PCDHGA3: variants seen among roughly 807,000 people sequenced by gnomAD.
PCDHGA3 encodes protocadherin gamma-A3.
PCDHGA3 carries 40 observed loss-of-function variants against 58.5 expected under a neutral mutation model. That is an observed-to-expected ratio of 0.68 (90% CI 0.53 to 0.89). The LOEUF (loss-of-function observed/expected upper bound fraction) is 0.89. PCDHGA3 is among the 40% of genes least tolerant of loss of function. The pLI is 0.00. For missense variants in PCDHGA3, 1,223 were observed against 1,195.9 expected (o/e 1.02, Z -0.33); for synonymous variants, 530 against 525.7 (o/e 1.01, Z -0.11).
At position 141,431,031 on chromosome 5, in the gene PCDHGA3, A is replaced by C; in HGVS notation, c.2425-63776A>C. Reference sequence around the variant, plus strand: ...AGCTTGGTCACGGCGGGCAGGATAGACCGGGAGGAGCTCTGTATGGGGGCC... The same window carrying C: ...AGCTTGGTCACGGCGGGCAGGATAGCCCGGGAGGAGCTCTGTATGGGGGCC... On this transcript the variant is annotated intron_variant, in intron 1 of 3. Coordinates refer to ENST00000253812, the MANE Select transcript of PCDHGA3 (RefSeq NM_018916.4). This position sits in a 1 kb window ranked among gnomAD's most constrained non-coding sequence, Gnocchi z 4.8. 1 of 1,614,036 alleles carries C rather than the reference A, an allele frequency of 6.2e-7. No homozygotes were observed. The highest frequency in any genetic ancestry group is 8.5e-7 in the Non-Finnish European group (1 of 1,180,000).
chr5:141,390,601 C>T, intron 1 of PCDHGA3: 1 of 317,490 alleles, frequency 3.1e-6, no homozygotes. Context: ...TTTTCCTATA[C>T]ATTTTCCTTC....
At chr5:141,433,321 G>T in intron 1 of PCDHGA3, 1 of 788,106 alleles carries the variant, frequency 1.3e-6, no homozygotes. Flanking sequence ...TGCCTCCGGT[G>T]TAACAGGGAC....
In PCDHGA3 at chr5:141,359,357, G is replaced by C. The variant is rs952787963; in HGVS notation, c.2424+12900G>C. Reference sequence around the variant, plus strand: ...GAATGAGAGTGCCACATGTTTTAAAGGCCTAGGAAAGCAGTAGATAATTTA... The same window carrying C: ...GAATGAGAGTGCCACATGTTTTAAACGCCTAGGAAAGCAGTAGATAATTTA... On this transcript the variant is annotated intron_variant, in intron 1 of 3. Transcript: ENST00000253812. Among the ~76,000 whole-genome samples, 72 of 151,956 alleles carry C rather than the reference G, an allele frequency of 4.7e-4. 2 individuals carry two copies. The highest frequency in any genetic ancestry group is 5.9e-5 in the Non-Finnish European group (4 of 67,988).
chr5:141,390,041 C>T (rs373243233), intron 1 of PCDHGA3: 2 of 1,614,058 alleles, frequency 1.2e-6, no homozygotes, highest in Non-Finnish European at 1.7e-6. Context: ...CCTCCAGCCC[C>T]GCCTCCTGGA....
intron 1 of PCDHGA3, chr5:141,420,076 TCCC>T: frequency 1.9e-6 from 3 of 1,613,956 alleles, no homozygotes; most frequent in Non-Finnish European, 2.5e-6. Context: ...GACCTGTGGG[TCCC>T]CCCAACTACA....
chr5:141,505,803 C>T (rs920849273), intron 3 of PCDHGA3, among the ~76,000 whole-genome samples: 29 of 152,116 alleles, frequency 1.9e-4, no homozygotes, highest in African/African-American at 6.5e-4. Flanking sequence ...GGACTTGGAT[C>T]GACTTGCTCA....
chr5:141,393,879 G>A, intron 1 of PCDHGA3: 1 of 1,614,010 alleles, frequency 6.2e-7, no homozygotes, highest in Non-Finnish European at 8.5e-7. Context: ...GTTTAGCCCA[G>A]TGTTAGAAAA....
intron 1 of PCDHGA3, chr5:141,393,129 A>T (rs2150509668): frequency 1.2e-6 from 2 of 1,613,426 alleles, no homozygotes; most frequent in Non-Finnish European, 1.7e-6. Flanking sequence ...TCTGATAAAT[A>T]TTAACACCCT....
intron 1 of PCDHGA3, chr5:141,351,378 G>C (rs1476351537): frequency 6.2e-7 from 1 of 1,612,216 alleles, no homozygotes; most frequent in Admixed American, 1.7e-5. Context: ...AAGGATTCTG[G>C]GCAAAATGGC....
Position 141,407,988 on chromosome 5 carries a change from C to T in PCDHGA3, c.2424+61531C>T, listed in dbSNP as rs923527525. 1.3e-4 allele frequency: 104 copies of T among 827,076 alleles called. 1 individual carries two copies. The highest frequency in any genetic ancestry group is 3.7e-4 in the Middle Eastern group (1 of 2,684). 51.2% of individuals were successfully genotyped at this position (827,076 alleles called of 1,614,324 possible). ...GCGCTGACGCCGGGGATCCGTCAGC[C>T]TCTGGCCTGGGATTCCCTGCGCAGC... On this transcript the variant is annotated intron_variant, in intron 1 of 3. Transcript: ENST00000253812.
chr5:141,448,505 T>C (rs1041076095), intron 1 of PCDHGA3, among the ~76,000 whole-genome samples: 24 of 152,172 alleles, frequency 1.6e-4, no homozygotes, highest in African/African-American at 5.8e-4. Flanking sequence ...AGGTAAACAT[T>C]TTATAACTTT....
chr5:141,436,040 C>A (rs989038133), intron 1 of PCDHGA3, among the ~76,000 whole-genome samples: 2 of 152,060 alleles, frequency 1.3e-5, no homozygotes, highest in African/African-American at 4.8e-5. Context: ...TTTGTATTTA[C>A]ATTAGTTTTC....
chr5:141,413,490 G>T (rs1255775347), intron 1 of PCDHGA3: 2 of 1,614,070 alleles, frequency 1.2e-6, no homozygotes, highest in Admixed American at 3.3e-5. Flanking sequence ...AGAGCGCGCG[G>T]TGCGTGGTGA....
At chr5:141,442,759 A>G (rs2098341868) in intron 1 of PCDHGA3, among the ~76,000 whole-genome samples, 1 of 152,152 alleles carries the variant, frequency 6.6e-6, no homozygotes, top group Non-Finnish European at 1.5e-5. Flanking sequence ...GATTATATAT[A>G]TTTGTATGTG....
chr5:141,355,486 T>C, intron 1 of PCDHGA3: 1 of 1,614,064 alleles, frequency 6.2e-7, no homozygotes, highest in Non-Finnish European at 8.5e-7. Context: ...GGAGGAGCTC[T>C]GCGACAGATC....
Position 141,477,952 on chromosome 5 carries a change from A to T in PCDHGA3, c.2425-16855A>T, listed in dbSNP as rs907708638. ...CCTGGCTCTCCTACAGTCTCTTGGG[A>T]TCCCCTAACCAGAGCCTTTTTGCCA... On this transcript the variant is annotated intron_variant, in intron 1 of 3. Coordinates refer to ENST00000253812, the MANE Select transcript of PCDHGA3 (RefSeq NM_018916.4). This position sits in a 1 kb window ranked among gnomAD's most constrained non-coding sequence, Gnocchi z 4.9. The T allele has an allele frequency of 1.9e-6, 3 of 1,613,920 alleles. No individual in the cohort carries two copies. The African/African-American group carries it at 4.0e-5, about 22-fold the overall frequency.
In PCDHGA3 at chr5:141,352,029, T is replaced by C. The variant is rs1223261713; in HGVS notation, c.2424+5572T>C. 6.2e-7 allele frequency: 1 copy of C among 1,609,078 alleles called. No individual in the cohort carries two copies. Among genetic ancestry groups the C allele is most frequent in the Non-Finnish European group, 8.5e-7 (1 of 1,179,056 alleles). On this transcript the variant is annotated intron_variant, in intron 1 of 3. Transcript: ENST00000253812. Reference sequence around the variant, plus strand: ...TACCTGGTGACCAAGGTGGTGGCGGTGGACGCAGACTCAGGACACAACGCT... The same window carrying C: ...TACCTGGTGACCAAGGTGGTGGCGGCGGACGCAGACTCAGGACACAACGCT...
In PCDHGA3 at chr5:141,486,563, G is replaced by A. The variant is rs558244990; in HGVS notation, c.2425-8244G>A. The A allele has an allele frequency of 1.2e-6, 2 of 1,614,006 alleles. No homozygotes were observed. The highest frequency in any genetic ancestry group is 1.7e-6 in the Non-Finnish European group (2 of 1,180,036). On this transcript the variant is annotated intron_variant, in intron 1 of 3. Coordinates refer to ENST00000253812, the MANE Select transcript of PCDHGA3 (RefSeq NM_018916.4). The surrounding 1 kb of genome is among the most constrained non-coding windows in gnomAD (Gnocchi z 5.0). ...CTTTCAGAGGTCACATGAGGTGTTTGTTCCTGAGAACAATCGCCCAGGGGA... is the reference window on the plus strand; with the variant it reads ...CTTTCAGAGGTCACATGAGGTGTTTATTCCTGAGAACAATCGCCCAGGGGA...
intron 1 of PCDHGA3, chr5:141,422,140 C>CG (rs1369033587): frequency 6.3e-7 from 1 of 1,586,656 alleles, no homozygotes; most frequent in Non-Finnish European, 8.5e-7. Context: ...AGTTCAAGTA[C>CG]GGGGGTCTCT....
Sources: gnomAD v4.1 joint callset for allele counts (sites outside exome capture counted in the v4.1 genomes callset) on GRCh38, gnomAD v4.1.1 for gene constraint, Gnocchi (gnomAD v3.1) non-coding constraint, MANE v1.5 for transcripts, NCBI Gene and HGNC (gene_info 2026-07-23, HGNC 2026-07-21) for gene names.